The following ABI1 variants were observed in gnomAD, a reference collection of about 807,000 sequenced individuals.
ABI1 encodes the protein Abelson interactor 1.
Under a neutral mutation model 54.6 loss-of-function variants are expected in ABI1, and 14 were observed. The ratio of observed to expected loss-of-function variants is 0.26; its 90% CI spans 0.17 to 0.40. ABI1 has a LOEUF of 0.40. Among genes scored for constraint, ABI1 ranks in the 10% least tolerant of loss-of-function variants. The probability of loss-of-function intolerance (pLI) is 1.00; values close to 1 mark genes in which losing one functional copy is unlikely to be tolerated. For missense variants in ABI1, 443 were observed against 598.3 expected (o/e 0.74, Z 2.71); for synonymous variants, 194 against 209.3 (o/e 0.93, Z 0.63).
chr10:26,748,558 G>GAAA lies in ABI1; in HGVS notation c.*9_*11dup. 8.1e-7 allele frequency: 1 copy of GAAA among 1,241,008 alleles called. No homozygotes were observed. The highest frequency in any genetic ancestry group is 1.1e-6 in the Non-Finnish European group (1 of 906,634). The allele number at this position is 1,241,008 out of a possible 1,614,324, so 76.9% of individuals were successfully genotyped here. On this transcript the variant is annotated 3_prime_UTR_variant, in exon 11 of 11. Transcript: ENST00000376140. The stretch of plus-strand genomic sequence containing the variant: ...TGAGTAATAAGAATCTACTTCAAAA[G>GAAA]AAAAAAAAAAATTAATCAGTATAGT...
intron 2 of ABI1, among the ~76,000 whole-genome samples, chr10:26,786,408 C>T (rs1022879954): frequency 5.9e-5 from 9 of 151,870 alleles, no homozygotes; most frequent in Admixed American, 3.9e-4. Flanking sequence ...AGAGACGGGG[C>T]TTCACCATGT....
At chr10:26,844,424 CAGA>C (rs1174930508) in intron 1 of ABI1, among the ~76,000 whole-genome samples, 1 of 152,172 alleles carries the variant, frequency 6.6e-6, no homozygotes, top group African/African-American at 2.4e-5. Flanking sequence ...ATCTGTAATG[CAGA>C]AGGTTATGAT....
intron 10 of ABI1, among the ~76,000 whole-genome samples, chr10:26,749,674 C>T (rs1228077807): frequency 2.0e-5 from 3 of 152,112 alleles, no homozygotes; most frequent in African/African-American, 7.2e-5. Flanking sequence ...GATGCTTAGC[C>T]TATATTCACT....
At chr10:26,795,565 AC>A (rs1844047792) in intron 2 of ABI1, among the ~76,000 whole-genome samples, 1 of 152,230 alleles carries the variant, frequency 6.6e-6, no homozygotes, top group Non-Finnish European at 1.5e-5. Flanking sequence ...GTTAAAGAAT[AC>A]AAAATCAACA....
At chr10:26,850,664 A>G (rs963608614) in intron 1 of ABI1, among the ~76,000 whole-genome samples, 1 of 151,888 alleles carries the variant, frequency 6.6e-6, no homozygotes, top group African/African-American at 2.4e-5. Flanking sequence ...TCTCAAAAAA[A>G]AAAAAAAAAA....
In ABI1 at chr10:26,785,376, G is replaced by C. The variant is rs544719620; in HGVS notation, c.286-8135C>G. ...AATGGTCTTGAGGGATCAAGAAACA[G>C]TGTCTCCCTCAGGAGTAAAAGGCAG... On this transcript the variant is annotated intron_variant, in intron 2 of 10. Transcript: ENST00000376140. 7.2e-4 allele frequency among the ~76,000 whole-genome samples: 110 copies of C among 152,294 alleles called. 1 individual carries two copies. The highest frequency in any genetic ancestry group is 2.5e-3 in the African/African-American group (103 of 41,560).
chr10:26,765,278 T>C lies in ABI1; in HGVS notation c.760A>G (p.Ser254Gly). 1 of 1,596,150 alleles carries C rather than the reference T, an allele frequency of 6.3e-7. No individual in the cohort carries two copies. Among genetic ancestry groups the C allele is most frequent in the South Asian group, 1.2e-5 (1 of 85,972 alleles). Reference sequence around the variant, plus strand: ...GCAATGGGAATGCCAATACTACTGCTACCACTGTTTTCTCGACTTCCACTT... The same window carrying C: ...GCAATGGGAATGCCAATACTACTGCCACCACTGTTTTCTCGACTTCCACTT... ...GGSGSRENSG[S>G]SSIGIPIAVP... Residue 254 changes from serine to glycine, a missense_variant, in exon 7 of 11, where the codon AGC becomes GGC. By Grantham distance (56) the Ser-to-Gly change is moderately conservative. Around this residue, in one of 2 missense-constraint regions of ABI1, gnomAD observed 394 missense variants for 484.8 expected, o/e 0.81. Coordinates refer to ENST00000376140, the MANE Select transcript of ABI1 (RefSeq NM_001012750.3).
chr10:26,760,364 C>T (rs980160545), intron 7 of ABI1, among the ~76,000 whole-genome samples: 1 of 152,288 alleles, frequency 6.6e-6, no homozygotes, highest in African/African-American at 2.4e-5. Context: ...GTTGTCTAAT[C>T]CTTCTTAGAG....
At chr10:26,820,950 G>A (rs1397306507) in intron 2 of ABI1, among the ~76,000 whole-genome samples, 1 of 151,800 alleles carries the variant, frequency 6.6e-6, no homozygotes, top group Non-Finnish European at 1.5e-5. Flanking sequence ...CCTTAATAAA[G>A]TATAAAATAA....
chr10:26,817,179 T>C (rs911691350), intron 2 of ABI1, among the ~76,000 whole-genome samples: 3 of 152,100 alleles, frequency 2.0e-5, no homozygotes, highest in African/African-American at 7.2e-5. Context: ...TTTGTATTTT[T>C]AGTAGAGACG....
intron 2 of ABI1, among the ~76,000 whole-genome samples, chr10:26,816,022 C>A (rs1031838800): frequency 2.6e-5 from 4 of 152,202 alleles, no homozygotes. Context: ...AGATGAGCAT[C>A]ATTACTGGTT....
At chr10:26,832,321 T>A (rs550734054) in intron 1 of ABI1, among the ~76,000 whole-genome samples, 4 of 152,020 alleles carry the variant, frequency 2.6e-5, no homozygotes, top group Non-Finnish European at 5.9e-5. Context: ...AGTGGCTCAC[T>A]CCTGTAATCC....
chr10:26,785,463 T>G (rs1248780731), intron 2 of ABI1, among the ~76,000 whole-genome samples: 1 of 152,208 alleles, frequency 6.6e-6, no homozygotes, highest in Non-Finnish European at 1.5e-5. Context: ...GGCTCATGCC[T>G]GTAATCCCAG....
At chr10:26,836,166 G>A (rs2049057994) in intron 1 of ABI1, among the ~76,000 whole-genome samples, 1 of 152,002 alleles carries the variant, frequency 6.6e-6, no homozygotes, top group South Asian at 2.1e-4. Flanking sequence ...AGGCTGCAGT[G>A]TAGTGGCGCA....
chr10:26,780,806 T>C (rs541750376), intron 2 of ABI1, among the ~76,000 whole-genome samples: 3 of 152,238 alleles, frequency 2.0e-5, no homozygotes, highest in Admixed American at 1.3e-4. Flanking sequence ...TTCATACCCA[T>C]CCTGTGGAAG....
At position 26,789,789 on chromosome 10, in the gene ABI1, C is replaced by T. The variant is rs553113778; in HGVS notation, c.286-12548G>A. ...GTCCTCTCCCTCTTCCCACCTTTCA[C>T]CCTCCAGTAGGCCCCAGTGTGCACT... On this transcript the variant is annotated intron_variant, in intron 2 of 10. Transcript: ENST00000376140. Among the ~76,000 whole-genome samples, 20 of 152,284 alleles carry T rather than the reference C, an allele frequency of 1.3e-4. No homozygotes were observed. In the South Asian group the frequency reaches 2.5e-3, roughly 19 times the overall value.
chr10:26,800,071 A>G (rs2046446671), intron 2 of ABI1, among the ~76,000 whole-genome samples: 1 of 152,116 alleles, frequency 6.6e-6, no homozygotes, highest in Admixed American at 6.6e-5. Context: ...ACTGCCTTCA[A>G]AAAGTCATCC....
intron 2 of ABI1, among the ~76,000 whole-genome samples, chr10:26,798,643 C>G (rs919698786): frequency 2.0e-5 from 3 of 151,626 alleles, no homozygotes; most frequent in Non-Finnish European, 2.9e-5. Context: ...TGATTTGTTA[C>G]AGCAACTATA....
At chr10:26,821,390 G>A (rs763658234) in intron 2 of ABI1, among the ~76,000 whole-genome samples, 106 of 152,022 alleles carry the variant, frequency 7.0e-4, no homozygotes, top group Non-Finnish European at 1.4e-3. Context: ...TTTTAATATC[G>A]ATAAAGTTGG....
Sources: allele counts gnomAD v4.1 joint callset (sites outside exome capture counted in the v4.1 genomes callset), GRCh38; gene constraint gnomAD v4.1.1; regional missense constraint gnomAD v4.1.1; transcripts MANE v1.5; gene names NCBI Gene and HGNC (gene_info 2026-07-23, HGNC 2026-07-21).